MAF: variants seen among roughly 807,000 people sequenced by gnomAD.
MAF encodes MAF bZIP transcription factor, also known as transcription factor Maf.
In MAF, 10 loss-of-function variants were observed where a neutral mutation model predicts 22.0. The ratio of observed to expected loss-of-function variants is 0.45; its 90% CI spans 0.28 to 0.77. The LOEUF (loss-of-function observed/expected upper bound fraction) is 0.77. Among genes scored for constraint, MAF ranks in the 30% least tolerant of loss-of-function variants. The probability of loss-of-function intolerance (pLI) is 0.12; values close to 1 mark genes in which losing one functional copy is unlikely to be tolerated. For missense variants in MAF, 544 were observed against 548.4 expected, an observed-to-expected ratio of 0.99 and a Z score of 0.08; for synonymous variants, 337 against 255.8, an observed-to-expected ratio of 1.32 and a Z score of -3.03.
intron 1 of MAF, chr16:79,594,762 T>A: frequency 7.4e-7 from 1 of 1,357,074 alleles, no homozygotes; most frequent in Non-Finnish European, 9.5e-7. Context: ...TTCAAAGTTT[T>A]CAGTAATTGT....
the MAF span, among the ~76,000 whole-genome samples, chr16:79,229,812 A>G: frequency 1.3e-5 from 2 of 151,970 alleles, no homozygotes; most frequent in Admixed American, 6.6e-5. Context: ...ATCCTAACCT[A>G]GTGGTGAGAG....
the MAF span, among the ~76,000 whole-genome samples, chr16:79,471,945 G>A: frequency 6.6e-6 from 1 of 152,184 alleles, no homozygotes; most frequent in Non-Finnish European, 1.5e-5. Context: ...GTGCAGACAT[G>A]CTTTCTCCCT....
the MAF span, among the ~76,000 whole-genome samples, chr16:79,372,306 T>C: frequency 3.9e-5 from 6 of 152,038 alleles, no homozygotes; most frequent in African/African-American, 1.4e-4. Flanking sequence ...AACAAACATG[T>C]AACAGAGAAG....
chr16:79,371,156 G>A, the MAF span, among the ~76,000 whole-genome samples: 11 of 152,004 alleles, frequency 7.2e-5, no homozygotes, highest in Non-Finnish European at 1.5e-5. Flanking sequence ...GTTTTGGTGG[G>A]AGTGCCTGGA....
the MAF span, among the ~76,000 whole-genome samples, chr16:79,376,226 T>C: frequency 6.6e-6 from 1 of 152,178 alleles, no homozygotes; most frequent in Non-Finnish European, 1.5e-5. Context: ...TCCTGTTTAC[T>C]TGTTTTATTT....
the MAF span, among the ~76,000 whole-genome samples, chr16:79,225,832 C>T: frequency 2.2e-4 from 34 of 152,256 alleles, 1 homozygote; most frequent in East Asian, 5.2e-3. Flanking sequence ...CAATGAGATA[C>T]CATCTCACAC....
the MAF span, among the ~76,000 whole-genome samples, chr16:79,376,695 A>C: frequency 1.3e-5 from 2 of 151,990 alleles, no homozygotes; most frequent in African/African-American, 4.8e-5. Flanking sequence ...ACCCTACAAC[A>C]GGCCCTGGTG....
intron 1 of MAF, chr16:79,596,566 C>T (rs1913538910): frequency 1.9e-6 from 2 of 1,048,700 alleles, no homozygotes; most frequent in Non-Finnish European, 2.3e-6. Flanking sequence ...ATAGGAACAA[C>T]ACGCGTGGTT....
chr16:79,481,611 T>C, the MAF span, among the ~76,000 whole-genome samples: 2 of 152,012 alleles, frequency 1.3e-5, no homozygotes, highest in East Asian at 3.9e-4. Flanking sequence ...CAGGTATCCA[T>C]TCACCCATCC....
chr16:79,499,389 C>T, the MAF span, among the ~76,000 whole-genome samples: 83,676 of 152,038 alleles, frequency 0.55, 27,085 homozygotes, highest in East Asian at 0.76. Context: ...CAACTCCACC[C>T]TCCATAGGGA....
the MAF span, among the ~76,000 whole-genome samples, chr16:79,322,817 A>G: frequency 6.6e-6 from 1 of 151,812 alleles, no homozygotes; most frequent in Non-Finnish European, 1.5e-5. Context: ...AGCTCACCGG[A>G]CCCCATAGTC....
At chr16:79,413,224 T>G in the MAF span, among the ~76,000 whole-genome samples, 201 of 18,322 alleles carry the variant, frequency 0.011, 1 homozygote, top group African/African-American at 0.036. Context: ...TTTTTTTTTT[T>G]TTTTTTTTTT....
the MAF span, among the ~76,000 whole-genome samples, chr16:79,483,896 C>T: frequency 2.0e-5 from 3 of 152,218 alleles, no homozygotes; most frequent in Admixed American, 6.5e-5. Context: ...CTGTCCCCTT[C>T]TCTGGCTGGC....
At chr16:79,494,755 T>C in the MAF span, among the ~76,000 whole-genome samples, 12,920 of 152,128 alleles carry the variant, frequency 0.085, 985 homozygotes, top group African/African-American at 0.2. Context: ...GCAGATCCCG[T>C]AGATGAAGGG....
chr16:79,595,136 A>AC (rs1301944827), intron 1 of MAF: 13 of 1,041,184 alleles, frequency 1.2e-5, no homozygotes, highest in Non-Finnish European at 1.4e-5. Context: ...AAAAAAAAAA[A>AC]AAAGGAAAGA....
the MAF span, among the ~76,000 whole-genome samples, chr16:79,309,977 T>C: frequency 2.0e-5 from 3 of 152,202 alleles, no homozygotes; most frequent in African/African-American, 4.8e-5. Flanking sequence ...TACTGTAACT[T>C]ACACCGTGGC....
At chr16:79,325,598 A>AAC in the MAF span, among the ~76,000 whole-genome samples, 4,256 of 145,574 alleles carry the variant, frequency 0.029, 98 homozygotes, top group African/African-American at 0.06. Context: ...CCCAGACACA[A>AAC]ACACACACAC....
At chr16:79,270,324 T>C in the MAF span, among the ~76,000 whole-genome samples, 4 of 152,120 alleles carry the variant, frequency 2.6e-5, no homozygotes, top group South Asian at 2.1e-4. Context: ...GTGTGTGATA[T>C]ATTTCTTGAG....
intron 1 of MAF, among the ~76,000 whole-genome samples, chr16:79,587,781 A>AG (rs1221946985): frequency 6.7e-6 from 1 of 149,822 alleles, no homozygotes; most frequent in African/African-American, 2.5e-5. Flanking sequence ...TGTCCTTTTT[A>AG]GATCATTGGT....
Sources: gnomAD v4.1 joint callset for allele counts (sites outside exome capture counted in the v4.1 genomes callset) on GRCh38, gnomAD v4.1.1 for gene constraint, MANE v1.5 for transcripts, NCBI Gene and HGNC (gene_info 2026-07-23, HGNC 2026-07-21) for gene names.